MED22: variants seen among roughly 807,000 people sequenced by gnomAD.
MED22 encodes the protein mediator of RNA polymerase II transcription subunit 22.
MED22 carries 22 observed loss-of-function variants against 22.7 expected under a neutral mutation model. The ratio of observed to expected loss-of-function variants is 0.97; its 90% CI spans 0.69 to 1.38. MED22 has a LOEUF of 1.38. MED22 is among the 40% of genes most tolerant of loss of function. The pLI is 0.00. For synonymous variants in MED22, 134 were observed against 119.4 expected, an observed-to-expected ratio of 1.12 and a Z score of -0.80; for missense variants, 247 against 263.0, an observed-to-expected ratio of 0.94 and a Z score of 0.42.
At chr9:133,342,935 C>T (rs977071415) in intron 4 of MED22, 32 of 985,572 alleles carry the variant, frequency 3.2e-5, no homozygotes, top group Non-Finnish European at 3.3e-5. Context: ...CCCTCAGGGA[C>T]GGTGGCTGCC....
At position 133,339,549 on chromosome 9, in the gene MED22, A is replaced by T. The variant is rs2129943190; in HGVS notation, c.*1956T>A. 3 of 518,870 alleles carry T rather than the reference A, an allele frequency of 5.8e-6. No homozygotes were observed. The highest frequency in any genetic ancestry group is 7.7e-5 in the East Asian group (2 of 26,058). 32.1% of individuals were successfully genotyped at this position (518,870 alleles called of 1,614,324 possible). ...AAACTATTTGGGGAACAACTGAAGA[A>T]ATCTGAATACAGCTAGATACCAGAG... On this transcript the variant is annotated 3_prime_UTR_variant, in exon 5 of 5. Transcript: ENST00000343730.
intron 4 of MED22, chr9:133,342,655 AG>A (rs1262050798): frequency 3.3e-5 from 33 of 985,638 alleles, no homozygotes; most frequent in Non-Finnish European, 4.0e-5. Flanking sequence ...TGTACAGAGG[AG>A]GGCAACTGCT....
At chr9:133,343,315 T>G in intron 4 of MED22, 1 of 1,229,184 alleles carries the variant, frequency 8.1e-7, no homozygotes, top group Non-Finnish European at 1.0e-6. Flanking sequence ...GACTGAATCT[T>G]GATTTTCTAA....
intron 3 of MED22, among the ~76,000 whole-genome samples, chr9:133,344,579 C>T (rs1836127495): frequency 6.6e-6 from 1 of 152,182 alleles, no homozygotes; most frequent in Non-Finnish European, 1.5e-5. Context: ...GCAGGACTGG[C>T]CTCCAGTCCA....
rs2129952718 is a variant in MED22 at position 133,342,303 on chromosome 9, C to T, written c.414-609G>A. 8 of 986,168 alleles carry T rather than the reference C, an allele frequency of 8.1e-6. No individual in the cohort carries two copies. The African/African-American group carries it at 1.4e-4, about 17-fold the overall frequency. 61.1% of individuals were successfully genotyped at this position (986,168 alleles called of 1,614,324 possible). A position where few individuals can be genotyped will look rare whatever the true frequency, so the allele number is the denominator to read the frequency against. On this transcript the variant is annotated intron_variant, in intron 4 of 4. Coordinates refer to ENST00000343730, the MANE Select transcript of MED22 (RefSeq NM_133640.5). ...GATGCAGGTGAAGAGCTCAGCTAGC[C>T]CTTCCCATGCCCGCAGCTGTGACAA...
At chr9:133,345,072 A>G in intron 3 of MED22, 100 bp downstream of exon 3, 1 of 1,164,052 alleles carries the variant, frequency 8.6e-7, no homozygotes, top group Non-Finnish European at 1.3e-6. Context: ...CGGGGGAAGA[A>G]GACCAGACCA....
chr9:133,346,033 T>C (rs1836169421), intron 2 of MED22, among the ~76,000 whole-genome samples: 1 of 152,230 alleles, frequency 6.6e-6, no homozygotes, highest in Non-Finnish European at 1.5e-5. Context: ...GCTTGATACA[T>C]GGCAAGCACT....
At chr9:133,341,965 T>C (rs1170051415) in intron 4 of MED22, 3 of 1,248,940 alleles carry the variant, frequency 2.4e-6, no homozygotes, top group South Asian at 1.9e-5. Context: ...AGGCCCTTCC[T>C]GCCCAGCCTC....
rs923631592 is a variant in MED22 at position 133,341,340 on chromosome 9, T to C, written c.*165A>G. The C allele has an allele frequency of 1.5e-6, 1 of 650,616 alleles. No individual in the cohort carries two copies. Among genetic ancestry groups the C allele is most frequent in the Non-Finnish European group, 2.4e-6 (1 of 416,294 alleles). 40.3% of individuals were successfully genotyped at this position (650,616 alleles called of 1,614,324 possible). A position where few individuals can be genotyped will look rare whatever the true frequency, so the allele number is the denominator to read the frequency against. Reference sequence around the variant, plus strand: ...GGAAACAACTGTTTCCCTACTGTCCTGGCGGGACCCACCCTGGGCTAACGG... The same window carrying C: ...GGAAACAACTGTTTCCCTACTGTCCCGGCGGGACCCACCCTGGGCTAACGG... On this transcript the variant is annotated 3_prime_UTR_variant, in exon 5 of 5. Coordinates refer to ENST00000343730, the MANE Select transcript of MED22 (RefSeq NM_133640.5).
chr9:133,344,519 G>C (rs974260012), intron 3 of MED22, among the ~76,000 whole-genome samples, 186 bp from the exon 4 acceptor site: 2 of 152,232 alleles, frequency 1.3e-5, no homozygotes, highest in African/African-American at 4.8e-5. Flanking sequence ...TGGGATGTCA[G>C]TTCTGCAGGG....
intron 4 of MED22, chr9:133,343,751 T>G: frequency 7.7e-7 from 1 of 1,303,074 alleles, no homozygotes. Flanking sequence ...GGCTGAAATC[T>G]CTACATATGG....
chr9:133,345,320 C>T (rs1327122898), intron 2 of MED22, 68 bp from the exon 3 acceptor site: 1 of 1,491,040 alleles, frequency 6.7e-7, no homozygotes. Flanking sequence ...CCCGGCCCAG[C>T]CCAGCTTACG....
chr9:133,341,666 G>C lies in MED22; in HGVS notation c.442C>G (p.Pro148Ala). 6.2e-7 allele frequency: 1 copy of C among 1,608,224 alleles called. No individual in the cohort carries two copies. Among genetic ancestry groups the C allele is most frequent in the South Asian group, 1.1e-5 (1 of 90,136 alleles). Reference protein sequence around the residue: ...SSSLCEANDLPLCEAYGRLDL... With the variant: ...SSSLCEANDLALCEAYGRLDL... ...AGCCTCCCGTAAGCTTCGCACAGAG[G>C]CAGGTCATTAGCTTCGCAAAGGCTT... is the stretch of plus-strand genomic sequence containing the variant. Residue 148 changes from proline (P) to alanine (A), a missense_variant, in exon 5 of 5, where the codon CCT (proline) becomes GCT (alanine). Transcript: ENST00000343730.
rs1304255748 is a variant in MED22, at chr9:133,338,778, A to G, written c.*2727T>C. The G allele has an allele frequency of 5.7e-6, 2 of 353,122 alleles. No individual in the cohort carries two copies. Among genetic ancestry groups the G allele is most frequent in the Non-Finnish European group, 5.5e-6 (1 of 181,638 alleles). The allele number at this position is 353,122 out of a possible 1,614,324, so 21.9% of individuals were successfully genotyped here. A position where few individuals can be genotyped will look rare whatever the true frequency, so the allele number is the denominator to read the frequency against. Reference sequence around the variant, plus strand: ...TTTTTAGTAGAGACGGGGTTTCTCCATGTTGCCCAGGCTGGTCTCAAAACT... The same window carrying G: ...TTTTTAGTAGAGACGGGGTTTCTCCGTGTTGCCCAGGCTGGTCTCAAAACT... On this transcript the variant is annotated 3_prime_UTR_variant, in exon 5 of 5. Transcript: ENST00000343730.
chr9:133,342,844 C>G (rs1337727879), intron 4 of MED22: 1 of 985,542 alleles, frequency 1.0e-6, no homozygotes, highest in Non-Finnish European at 1.2e-6. Context: ...GCTGCAGGGC[C>G]GTGAGCAGGT....
chr9:133,346,458 C>A, intron 2 of MED22, 82 bp downstream of exon 2: 1 of 1,560,756 alleles, frequency 6.4e-7, no homozygotes, highest in Non-Finnish European at 8.7e-7. Context: ...ACACTATTCA[C>A]TCGCGCTGCT....
rs2129959752 is a variant in MED22 at position 133,344,147 on chromosome 9, C to T, written c.391G>A (p.Glu131Lys). The T allele has an allele frequency of 6.2e-7, 1 of 1,614,202 alleles. No homozygotes were observed. Among genetic ancestry groups the T allele is most frequent in the South Asian group, 1.1e-5 (1 of 91,092 alleles). ...TACCTGGACGAGTAATACTCCTCCT[C>T]CAGCTCGTAGAGGTCAATGGAGATC... ...DEISIDLYEL[E>K]EEYYSSSSSL... The change falls in exon 4 of 5, where the codon GAG becomes AAG. Residue 131 changes from glutamate (E) to lysine (K), a missense_variant. Transcript: ENST00000343730.
intron 4 of MED22, chr9:133,343,891 G>T: frequency 7.0e-7 from 1 of 1,423,520 alleles, no homozygotes; most frequent in South Asian, 1.6e-5. Context: ...CGACTGGCGT[G>T]AGTCCTGTGG....
chr9:133,342,719 G>A, intron 4 of MED22: 1 of 986,092 alleles, frequency 1.0e-6, no homozygotes, highest in Non-Finnish European at 1.2e-6. Context: ...GTGGACAGGA[G>A]GCCTGCGGGA....
Sources: gnomAD v4.1 joint callset for allele counts (sites outside exome capture counted in the v4.1 genomes callset) on GRCh38, gnomAD v4.1.1 for gene constraint, MANE v1.5 for transcripts, NCBI Gene and HGNC (gene_info 2026-07-23, HGNC 2026-07-21) for gene names.